TRANK1: variants seen among roughly 807,000 people sequenced by gnomAD.
TRANK1 encodes tetratricopeptide repeat and ankyrin repeat containing 1, also known as TPR and ankyrin repeat-containing protein 1.
TRANK1 carries 198 observed loss-of-function variants against 266.0 expected under a neutral mutation model. That is an observed-to-expected ratio of 0.74 (90% CI 0.66 to 0.84). The LOEUF (loss-of-function observed/expected upper bound fraction) is 0.84, where lower values mean the gene tolerates loss of function less well. Ranked by LOEUF, TRANK1 falls within the 40% of genes least tolerant of loss-of-function variation. TRANK1 has a pLI of 0.00. For synonymous variants in TRANK1, 1,396 were observed against 1,384.1 expected (o/e 1.01, Z -0.19); for missense variants, 3,326 against 3,634.6 (o/e 0.92, Z 2.18).
chr3:36,864,787 C>T (rs1466763030), intron 9 of TRANK1, among the ~76,000 whole-genome samples: 1 of 152,174 alleles, frequency 6.6e-6, no homozygotes, highest in Non-Finnish European at 1.5e-5. Context: ...ATCATGTAAA[C>T]AAGTCAGGCT....
chr3:36,865,157 A>G (rs763467239), intron 9 of TRANK1, among the ~76,000 whole-genome samples: 2 of 150,694 alleles, frequency 1.3e-5, no homozygotes, highest in Non-Finnish European at 2.9e-5. Context: ...CCTCCCGAGT[A>G]GCTGGGATTA....
chr3:36,858,192 C>G, intron 12 of TRANK1, 143 bp from the exon 13 acceptor site: 1 of 682,436 alleles, frequency 1.5e-6, no homozygotes, highest in Non-Finnish European at 2.4e-6. Context: ...TTAAAGAGCT[C>G]AGTGGTTCTC....
chr3:36,873,953 C>T (rs2079347190), intron 9 of TRANK1, among the ~76,000 whole-genome samples, 173 bp downstream of exon 9: 2 of 143,586 alleles, frequency 1.4e-5, no homozygotes, highest in South Asian at 4.4e-4. Flanking sequence ...CTCATTCTAC[C>T]TTTAAAAAAA....
Position 36,858,582 on chromosome 3 carries a change from T to G in TRANK1, c.1672+136A>C. The stretch of plus-strand genomic sequence containing the variant: ...GCTACAAGTGAGGGGCCAGGTGACA[T>G]GGGCAGGCCTGGCCAAGAAATGGGC... On this transcript the variant is annotated intron_variant, in intron 12 of 23. Transcript: ENST00000645898. 3 of 999,518 alleles carry G rather than the reference T, an allele frequency of 3.0e-6. No homozygotes were observed. In the South Asian group the frequency reaches 8.9e-5, roughly 30 times the overall value. The allele number at this position is 999,518 out of a possible 1,614,324, so 61.9% of individuals were successfully genotyped here.
chr3:36,857,084 T>G lies in TRANK1; in HGVS notation c.2638A>C (p.Lys880Gln), dbSNP rs2079067099. 1.2e-6 allele frequency: 2 copies of G among 1,613,904 alleles called. No individual in the cohort carries two copies. The highest frequency in any genetic ancestry group is 1.7e-6 in the Non-Finnish European group (2 of 1,179,898). Residue 880 changes from lysine to glutamine, a missense_variant, in exon 13 of 24, where the codon AAG (lysine) becomes CAG (glutamine). By Grantham distance (53) the Lys-to-Gln change is moderately conservative. Coordinates refer to ENST00000645898, the MANE Select transcript of TRANK1 (RefSeq NM_001329998.2). The surrounding 1 kb of genome is among the most constrained non-coding windows in gnomAD (Gnocchi z 4.3). ...EWTQGLQKRL[K>Q]HLKGSIQLFE... ...AGCTGGATGCTTCCTTTCAGGTGCT[T>G]CAGTCGCTTCTGCAGGCCCTGGGTC...
At chr3:36,847,453 T>G (rs893424458) in intron 15 of TRANK1, 107 bp from the exon 16 acceptor site, 10 of 1,194,712 alleles carry the variant, frequency 8.4e-6, no homozygotes, top group Non-Finnish European at 1.1e-5. Context: ...GACCAGGCCT[T>G]CAACCCCAAC....
intron 20 of TRANK1, 145 bp downstream of exon 20, chr3:36,838,227 G>T: frequency 1.6e-6 from 2 of 1,262,850 alleles, no homozygotes; most frequent in Non-Finnish European, 2.2e-6. Context: ...GTGAAAGTAG[G>T]CTTCCCTTAG....
intron 1 of TRANK1, among the ~76,000 whole-genome samples, chr3:36,929,883 A>ATTGTTGTTG (rs201004320): frequency 0.29 from 42,493 of 148,922 alleles, 7,128 homozygotes; most frequent in Non-Finnish European, 0.39. Flanking sequence ...GATGCAGCAG[A>ATTGTTGTTG]TTGTTGTTGT....
At position 36,832,768 on chromosome 3, in the gene TRANK1, AG is replaced by A; in HGVS notation, c.6814del (p.Leu2272PhefsTer36). ...YGLCKSILDVLFPKHFHQRVL... is the reference protein window; with the variant it reads ...YGLCKSILDVXFPKHFHQRVL... ...TCTCTGATGGAAATGCTTAGGGAAA[AG>A]GACATCCAGAATGGACTTGCAAAGG... On this transcript the variant is annotated frameshift_variant, in exon 22 of 24. Coordinates refer to ENST00000645898, the MANE Select transcript of TRANK1 (RefSeq NM_001329998.2). LOFTEE classifies it high-confidence loss of function. The A allele has an allele frequency of 6.2e-7, 1 of 1,614,042 alleles. No individual in the cohort carries two copies. The highest frequency in any genetic ancestry group is 8.5e-7 in the Non-Finnish European group (1 of 1,179,904).
At chr3:36,829,930 C>A (rs1273623759) in intron 22 of TRANK1, among the ~76,000 whole-genome samples, 2 of 152,202 alleles carry the variant, frequency 1.3e-5, no homozygotes, top group Admixed American at 1.3e-4. Flanking sequence ...TCCAAAATGT[C>A]ATTAAACCTT....
Position 36,851,043 on chromosome 3 carries a change from G to A in TRANK1, c.4887+676C>T, listed in dbSNP as rs534246508. 2.4e-4 allele frequency: 233 copies of A among 985,602 alleles called. No homozygotes were observed. In the African/African-American group the frequency reaches 2.7e-3, roughly 12 times the overall value. The allele number at this position is 985,602 out of a possible 1,614,324, so 61.1% of individuals were successfully genotyped here. On this transcript the variant is annotated intron_variant, in intron 15 of 23. Transcript: ENST00000645898. Reference sequence around the variant, plus strand: ...GGCTAGAAAACCCAGGACAACGGCTGTGAGTTGGTAGCTCTACCCATAATG... The same window carrying A: ...GGCTAGAAAACCCAGGACAACGGCTATGAGTTGGTAGCTCTACCCATAATG...
At position 36,892,884 on chromosome 3, in the gene TRANK1, T is replaced by TATATATAG; in HGVS notation, c.636+16_636+17insCTATATAT. 2.7e-6 allele frequency: 3 copies of TATATATAG among 1,099,608 alleles called. No individual in the cohort carries two copies. Among genetic ancestry groups the TATATATAG allele is most frequent in the African/African-American group, 3.2e-5 (2 of 61,606 alleles). 68.1% of individuals were successfully genotyped at this position (1,099,608 alleles called of 1,614,324 possible). On this transcript the variant is annotated intron_variant, in intron 6 of 23. Transcript: ENST00000645898. ...ATATATATATATAGATATATATAGA[T>TATATATAG]ATATATATCACCTTACCTCAAAGAG...
intron 1 of TRANK1, among the ~76,000 whole-genome samples, chr3:36,941,694 CTT>C (rs1166917424): frequency 6.6e-6 from 1 of 152,182 alleles, no homozygotes; most frequent in Non-Finnish European, 1.5e-5. Context: ...AAAGGTTAAA[CTT>C]AACCATTCTC....
chr3:36,942,905 G>T (rs887733939), intron 1 of TRANK1, among the ~76,000 whole-genome samples: 1 of 151,920 alleles, frequency 6.6e-6, no homozygotes, highest in Admixed American at 6.6e-5. Context: ...GAATGGGCCG[G>T]CGTGGTGGCT....
Position 36,945,036 on chromosome 3 carries a change from G to A in TRANK1, c.-227C>T. On this transcript the variant is annotated 5_prime_UTR_variant, in exon 1 of 24. Coordinates refer to ENST00000645898, the MANE Select transcript of TRANK1 (RefSeq NM_001329998.2). ...AGGAACCCCGGCGTCCGGGCGGTGT[G>A]CAGCCGCAGACCTATTCCAAGTTTC... 2.1e-6 allele frequency: 1 copy of A among 470,634 alleles called. No individual in the cohort carries two copies. The highest frequency in any genetic ancestry group is 3.7e-6 in the Non-Finnish European group (1 of 268,998). The allele number at this position is 470,634 out of a possible 1,614,324, so 29.2% of individuals were successfully genotyped here.
At chr3:36,944,728 G>A in intron 1 of TRANK1, 59 bp downstream of exon 1, 1 of 1,494,986 alleles carries the variant, frequency 6.7e-7, no homozygotes. Context: ...CTCCCGCCAG[G>A]AAGGGTGGCG....
intron 15 of TRANK1, among the ~76,000 whole-genome samples, chr3:36,848,428 T>C (rs1004749020): frequency 6.6e-6 from 1 of 152,224 alleles, no homozygotes; most frequent in African/African-American, 2.4e-5. Flanking sequence ...TCAAAATTCT[T>C]AAGAAACTTC....
intron 16 of TRANK1, 116 bp downstream of exon 16, chr3:36,847,084 C>G (rs12497299): frequency 4.0e-6 from 5 of 1,256,574 alleles, no homozygotes; most frequent in Admixed American, 2.8e-5. Flanking sequence ...CTCAATTCCC[C>G]GTTGCTGAGG....
intron 1 of TRANK1, among the ~76,000 whole-genome samples, chr3:36,918,279 A>G (rs1048807367): frequency 2.0e-5 from 3 of 151,958 alleles, no homozygotes; most frequent in Non-Finnish European, 2.9e-5. Context: ...TTGTTGTCAA[A>G]TGAATATGGA....
Sources: allele counts gnomAD v4.1 joint callset (sites outside exome capture counted in the v4.1 genomes callset), GRCh38; gene constraint gnomAD v4.1.1; non-coding constraint Gnocchi (gnomAD v3.1); transcripts MANE v1.5; gene names NCBI Gene and HGNC (gene_info 2026-07-23, HGNC 2026-07-21).